Variants in HNRNPH3 observed in about 807,000 individuals in gnomAD.
The protein encoded by HNRNPH3 is heterogeneous nuclear ribonucleoprotein H3, also known as heterogeneous nuclear ribonucleoprotein 2H9.
A neutral mutation model predicts 47.0 loss-of-function variants in HNRNPH3; 7 were observed. That is an observed-to-expected ratio of 0.15 (90% CI 0.08 to 0.28). The LOEUF (loss-of-function observed/expected upper bound fraction) is 0.28, where lower values mean the gene tolerates loss of function less well. HNRNPH3 is among the 10% of genes least tolerant of loss of function. The probability of loss-of-function intolerance (pLI) is 1.00; values close to 1 mark genes in which losing one functional copy is unlikely to be tolerated. For synonymous variants in HNRNPH3, 120 were observed against 143.2 expected (o/e 0.84, Z 1.16); for missense variants, 279 against 449.6 (o/e 0.62, Z 3.43).
At chr10:68,333,122 A>AG (rs2045296311) in intron 1 of HNRNPH3, 1 of 147,644 alleles carries the variant, frequency 6.8e-6, no homozygotes, top group Non-Finnish European at 1.5e-5. Flanking sequence ...GATTTTCCAA[A>AG]GGGTTTTTTT....
At chr10:68,335,632 G>A (rs886348464) in intron 1 of HNRNPH3, among the ~76,000 whole-genome samples, 20 of 152,052 alleles carry the variant, frequency 1.3e-4, no homozygotes, top group African/African-American at 4.6e-4. Flanking sequence ...GTCCTTCAGG[G>A]TTCACATATT....
At position 68,341,774 on chromosome 10, in the gene HNRNPH3, A is replaced by G. The variant is rs981571443; in HGVS notation, c.887A>G (p.Tyr296Cys). ...CTTTTTAAAGATAATCAGGGAGGCTATGGATCAGTTGGAAGAATGGGAATG... is the reference window on the plus strand; with the variant it reads ...CTTTTTAAAGATAATCAGGGAGGCTGTGGATCAGTTGGAAGAATGGGAATG... ...GRDGMDNQGG[Y>C]GSVGRMGMGN... The change falls in exon 9 of 10, where the codon TAT becomes TGT. Residue 296 changes from tyrosine to cysteine, a missense_variant. Around this residue, in one of 2 missense-constraint regions of HNRNPH3, gnomAD observed 239 missense variants for 335.8 expected, o/e 0.71. Transcript: ENST00000265866. 22 of 1,606,828 alleles carry G rather than the reference A, an allele frequency of 1.4e-5. No homozygotes were observed. Among genetic ancestry groups the G allele is most frequent in the Non-Finnish European group, 1.8e-5 (21 of 1,176,944 alleles).
chr10:68,339,561 TA>T lies in HNRNPH3; in HGVS notation c.639+8del. ...CTGAAAATGACATTGCTAATGTGAGTAATTTTTAATAACTATTAGTGGTTTT... is the reference window on the plus strand; with the variant it reads ...CTGAAAATGACATTGCTAATGTGAGTATTTTTAATAACTATTAGTGGTTTT... On this transcript the variant is annotated splice_region_variant and intron_variant, in intron 6 of 9. Transcript: ENST00000265866. The T allele has an allele frequency of 1.3e-6, 2 of 1,513,394 alleles. No individual in the cohort carries two copies. The highest frequency in any genetic ancestry group is 1.8e-6 in the Non-Finnish European group (2 of 1,089,700). The allele number at this position is 1,513,394 out of a possible 1,614,324, so 93.7% of individuals were successfully genotyped here.
At chr10:68,333,047 A>T (rs942340108) in intron 1 of HNRNPH3, 1 of 151,992 alleles carries the variant, frequency 6.6e-6, no homozygotes, top group African/African-American at 2.4e-5. Flanking sequence ...GTCTCCTGGG[A>T]GGAATAAAGG....
At chr10:68,334,740 C>T (rs1274102175) in intron 1 of HNRNPH3, among the ~76,000 whole-genome samples, 1 of 152,152 alleles carries the variant, frequency 6.6e-6, no homozygotes, top group Non-Finnish European at 1.5e-5. Context: ...CATATTTTAA[C>T]TGTGGTATCT....
intron 1 of HNRNPH3, among the ~76,000 whole-genome samples, chr10:68,333,733 G>A (rs950759492): frequency 6.6e-6 from 1 of 152,130 alleles, no homozygotes; most frequent in African/African-American, 2.4e-5. Flanking sequence ...CTGAGAGTAA[G>A]AATTTCTGAT....
At chr10:68,338,072 G>A in intron 3 of HNRNPH3, 76 bp downstream of exon 3, 1 of 1,114,250 alleles carries the variant, frequency 9.0e-7, no homozygotes, top group African/African-American at 1.6e-5. Context: ...TAAATGGGGG[G>A]GTAGCCATAA....
rs1485438609 is a variant in HNRNPH3 at position 68,342,263 on chromosome 10, AT to A, written c.*210del. The A allele has an allele frequency of 1.0e-5, 5 of 489,688 alleles. No homozygotes were observed. The highest frequency in any genetic ancestry group is 1.8e-5 in the Non-Finnish European group (5 of 276,458). The allele number at this position is 489,688 out of a possible 1,614,324, so 30.3% of individuals were successfully genotyped here. On this transcript the variant is annotated 3_prime_UTR_variant, in exon 10 of 10. Coordinates refer to ENST00000265866, the MANE Select transcript of HNRNPH3 (RefSeq NM_012207.3). ...TACTTTGACTTAAAAATAAATTTTT[AT>A]ATTCAAACCACTGATGTTGATACTT... is the stretch of plus-strand genomic sequence containing the variant.
intron 6 of HNRNPH3, among the ~76,000 whole-genome samples, chr10:68,340,020 T>G (rs1399314040): frequency 6.6e-6 from 1 of 151,988 alleles, no homozygotes; most frequent in Non-Finnish European, 1.5e-5. Context: ...TGGTGTCTTT[T>G]GTTGTACCGT....
chr10:68,341,727 GTC>G (rs1323153406), intron 8 of HNRNPH3, 30 bp from the exon 9 acceptor site: 7 of 1,582,626 alleles, frequency 4.4e-6, no homozygotes, highest in Middle Eastern at 1.7e-4. Context: ...TTATCGATGA[GTC>G]TCAATTTTTT....
chr10:68,339,115 A>T, intron 4 of HNRNPH3, 25 bp from the exon 5 acceptor site: 1 of 1,538,624 alleles, frequency 6.5e-7, no homozygotes, highest in Non-Finnish European at 8.9e-7. Flanking sequence ...GTGTGTAGTC[A>T]TGTGTTTCTC....
At chr10:68,333,601 CCTA>C (rs1269953561) in intron 1 of HNRNPH3, among the ~76,000 whole-genome samples, 1 of 151,980 alleles carries the variant, frequency 6.6e-6, no homozygotes, top group Non-Finnish European at 1.5e-5. Context: ...AGGGAATAAG[CCTA>C]CTAAACATAA....
In HNRNPH3 at chr10:68,334,926, T is replaced by A. The variant is rs536452104; in HGVS notation, c.-23-2273T>A. Among the ~76,000 whole-genome samples the A allele has an allele frequency of 3.3e-5, 5 of 152,276 alleles. No individual in the cohort carries two copies. In the South Asian group the frequency reaches 1.0e-3, roughly 32 times the overall value. ...CTGTGCCCTTAGAGTTTTTCTTGTTTTTGTTTTGTAGGTAGGATTTTTAGT... is the reference window on the plus strand; with the variant it reads ...CTGTGCCCTTAGAGTTTTTCTTGTTATTGTTTTGTAGGTAGGATTTTTAGT... On this transcript the variant is annotated intron_variant, in intron 1 of 9. Coordinates refer to ENST00000265866, the MANE Select transcript of HNRNPH3 (RefSeq NM_012207.3).
In HNRNPH3 at chr10:68,332,080, A is replaced by C. The variant is rs921748199; in HGVS notation, c.-160A>C. The C allele has an allele frequency of 6.6e-5, 10 of 152,262 alleles. No individual in the cohort carries two copies. The highest frequency in any genetic ancestry group is 1.5e-4 in the Non-Finnish European group (10 of 68,146). 9.4% of individuals were successfully genotyped at this position (152,262 alleles called of 1,614,324 possible). ...CCCCAAGCCAGTAGCTGTGCTGCGCAGCTCCCTAAGCGGTTGTCACCGCTG... is the reference window on the plus strand; with the variant it reads ...CCCCAAGCCAGTAGCTGTGCTGCGCCGCTCCCTAAGCGGTTGTCACCGCTG... On this transcript the variant is annotated 5_prime_UTR_variant, in exon 1 of 10. Transcript: ENST00000265866.
At chr10:68,338,442 G>C in intron 3 of HNRNPH3, 61 bp from the exon 4 acceptor site, 2 of 1,047,386 alleles carry the variant, frequency 1.9e-6, no homozygotes, top group Non-Finnish European at 2.8e-6. Context: ...ATTTTGCCCA[G>C]TATCTAATTT....
At chr10:68,339,633 ATG>A in intron 6 of HNRNPH3, 78 bp downstream of exon 6, 1 of 871,364 alleles carries the variant, frequency 1.1e-6, no homozygotes, top group Non-Finnish European at 1.8e-6. Context: ...TAATGTTCTC[ATG>A]TTTATAGCTT....
chr10:68,334,486 T>G (rs1463175879), intron 1 of HNRNPH3, among the ~76,000 whole-genome samples: 1 of 152,214 alleles, frequency 6.6e-6, no homozygotes, highest in Non-Finnish European at 1.5e-5. Flanking sequence ...TTTAGTACAT[T>G]CACAGCGTTG....
intron 1 of HNRNPH3, among the ~76,000 whole-genome samples, chr10:68,333,635 C>A (rs1271476724): frequency 6.6e-6 from 1 of 152,080 alleles, no homozygotes; most frequent in African/African-American, 2.4e-5. Flanking sequence ...TAAACCCAGT[C>A]ACGTGGTGGT....
intron 6 of HNRNPH3, 122 bp from the exon 7 acceptor site, chr10:68,341,052 A>C: frequency 1.6e-6 from 1 of 638,938 alleles, no homozygotes; most frequent in South Asian, 2.1e-5. Context: ...TAGTTGACTA[A>C]GTTATTAGTC....
Sources: gnomAD v4.1 joint callset for allele counts (sites outside exome capture counted in the v4.1 genomes callset) on GRCh38, gnomAD v4.1.1 for gene constraint, gnomAD v4.1.1 regional missense constraint, MANE v1.5 for transcripts, NCBI Gene and HGNC (gene_info 2026-07-23, HGNC 2026-07-21) for gene names.